The following ELF1 variants were observed in gnomAD, a reference collection of about 807,000 sequenced individuals.
ELF1 encodes the protein E74 like ETS transcription factor 1, also known as ETS-related transcription factor Elf-1.
A neutral mutation model predicts 59.9 loss-of-function variants in ELF1; 24 were observed. The ratio of observed to expected loss-of-function variants is 0.40; its 90% CI spans 0.29 to 0.56. The LOEUF is 0.56. Ranked by LOEUF, ELF1 falls within the 20% of genes least tolerant of loss-of-function variation. ELF1 has a pLI of 0.44. For synonymous variants in ELF1, 248 were observed against 266.2 expected (o/e 0.93, Z 0.67); for missense variants, 627 against 742.2 (o/e 0.84, Z 1.80).
chr13:41,060,210 G>A lies in ELF1; in HGVS notation c.-229+628C>T, dbSNP rs138989978. 9.8e-3 allele frequency among the ~76,000 whole-genome samples: 1,488 copies of A among 152,304 alleles called. 24 individuals are homozygous for A. The highest frequency in any genetic ancestry group is 0.034 in the African/African-American group (1,429 of 41,570). ...AAAGCGCGTCCCCCCGGGAGGGCGC[G>A]GAAGGCACACTGTGTTCCGTGGGGC... On this transcript the variant is annotated intron_variant, in intron 1 of 1. Coordinates refer to the ELF1 transcript ENST00000405737.
At chr13:41,008,503 T>C (rs1874872836) in intron 1 of ELF1, among the ~76,000 whole-genome samples, 1 of 152,178 alleles carries the variant, frequency 6.6e-6, no homozygotes, top group African/African-American at 2.4e-5. Flanking sequence ...TGGTGTGATT[T>C]TGATACTATG....
At chr13:40,981,144 T>C (rs188191831) in intron 2 of ELF1, among the ~76,000 whole-genome samples, 37 of 152,294 alleles carry the variant, frequency 2.4e-4, no homozygotes, top group African/African-American at 8.4e-4. Context: ...GTGTTGAGCA[T>C]TAGGCTTATT....
intron 1 of ELF1, among the ~76,000 whole-genome samples, chr13:41,003,388 A>G (rs936081295): frequency 6.6e-6 from 1 of 151,086 alleles, no homozygotes; most frequent in Non-Finnish European, 1.5e-5. Context: ...TTTTCCTTCA[A>G]TCTTAAAAAT....
chr13:40,994,513 G>T (rs1224439915), intron 1 of ELF1, among the ~76,000 whole-genome samples: 6 of 151,984 alleles, frequency 3.9e-5, no homozygotes, highest in Admixed American at 2.6e-4. Context: ...CATGGTGGGG[G>T]GGTGCCTGTA....
At chr13:41,019,852 T>G (rs942006747), upstream of ELF1, among the ~76,000 whole-genome samples, 2 of 152,170 alleles carry the variant, frequency 1.3e-5, no homozygotes, top group African/African-American at 2.4e-5. Context: ...TAAAATCCAC[T>G]AGAAAATTCA....
intron 2 of ELF1, among the ~76,000 whole-genome samples, chr13:40,961,516 A>C (rs189535135): frequency 1.3e-5 from 2 of 152,250 alleles, no homozygotes; most frequent in Non-Finnish European, 2.9e-5. Context: ...CCCATCTGTG[A>C]ATACCTACTG....
At chr13:40,954,791 C>T (rs894337590) in intron 3 of ELF1, among the ~76,000 whole-genome samples, 2 of 149,822 alleles carry the variant, frequency 1.3e-5, no homozygotes, top group Admixed American at 1.3e-4. Flanking sequence ...GTGATCTCGG[C>T]TCGCTACAAC....
chr13:41,060,730 A>C (rs901637165), intron 1 of ELF1: 1 of 165,320 alleles, frequency 6.0e-6, no homozygotes, highest in Non-Finnish European at 1.4e-5. Flanking sequence ...AAGAAAAATA[A>C]GGAAGCGTTC....
In ELF1 at chr13:41,013,878, A is replaced by T. The variant is rs1259673163; in HGVS notation, c.-229+5350T>A. Among the ~76,000 whole-genome samples, 5 of 152,008 alleles carry T rather than the reference A, an allele frequency of 3.3e-5. No homozygotes were observed. In the South Asian group the frequency reaches 1.0e-3, roughly 31 times the overall value. On this transcript the variant is annotated intron_variant, in intron 1 of 8. Coordinates refer to ENST00000239882, the MANE Select transcript of ELF1 (RefSeq NM_172373.4). Reference sequence around the variant, plus strand: ...TACACTTCATTTTAATAGTTTTATTATAAAATTTTATAGTTTTACTATTTA... The same window carrying T: ...TACACTTCATTTTAATAGTTTTATTTTAAAATTTTATAGTTTTACTATTTA...
At chr13:40,943,741 A>C in intron 6 of ELF1, 101 bp downstream of exon 6, 1 of 882,116 alleles carries the variant, frequency 1.1e-6, no homozygotes, top group Non-Finnish European at 1.6e-6. Context: ...AATAAGATCC[A>C]CTGCAGTATA....
At chr13:41,041,850 G>A (rs1566197908) in intron 1 of ELF1, among the ~76,000 whole-genome samples, 1 of 152,054 alleles carries the variant, frequency 6.6e-6, no homozygotes, top group African/African-American at 2.4e-5. Context: ...TCAGAAGTTA[G>A]TATAGTAACA....
At chr13:40,985,560 TA>T (rs933159080) in intron 1 of ELF1, among the ~76,000 whole-genome samples, 2 of 152,194 alleles carry the variant, frequency 1.3e-5, no homozygotes, top group African/African-American at 2.4e-5. Context: ...AACGCATATG[TA>T]AAAAATTTTT....
At chr13:41,008,307 G>C (rs1229915440) in intron 1 of ELF1, among the ~76,000 whole-genome samples, 2 of 152,040 alleles carry the variant, frequency 1.3e-5, no homozygotes, top group Non-Finnish European at 2.9e-5. Context: ...TGGATATCTG[G>C]CAGAAATTTT....
At chr13:40,990,825 C>CTGG (rs565395082) in intron 1 of ELF1, among the ~76,000 whole-genome samples, 129 of 127,188 alleles carry the variant, frequency 1.0e-3, no homozygotes, top group South Asian at 3.5e-3. Flanking sequence ...GCACTCCAGC[C>CTGG]TGGTGACAGA....
chr13:41,013,780 A>G (rs1030486898), intron 1 of ELF1, among the ~76,000 whole-genome samples: 1 of 152,084 alleles, frequency 6.6e-6, no homozygotes, highest in Admixed American at 6.6e-5. Flanking sequence ...AGAAAAAATA[A>G]TGAATTGCCC....
chr13:41,006,602 G>A (rs954304581), intron 1 of ELF1, among the ~76,000 whole-genome samples: 2 of 152,122 alleles, frequency 1.3e-5, no homozygotes, highest in Admixed American at 6.5e-5. Flanking sequence ...TTATTCTTAA[G>A]ACTAACAGGT....
At chr13:40,947,000 A>G (rs1197594599) in intron 5 of ELF1, among the ~76,000 whole-genome samples, 1 of 152,044 alleles carries the variant, frequency 6.6e-6, no homozygotes, top group Admixed American at 6.6e-5. Flanking sequence ...AATTATTTTG[A>G]GAGATTCATC....
At position 41,031,693 on chromosome 13, in the gene ELF1, G is replaced by A. The variant is rs368054957; in HGVS notation, c.-229+29145C>T. 2.6e-4 allele frequency among the ~76,000 whole-genome samples: 39 copies of A among 151,656 alleles called. 2 individuals are homozygous for A. In the South Asian group the frequency reaches 5.4e-3, roughly 21 times the overall value. ...AAATTAGCCAGGGGTGTTGGTGGGC[G>A]CCTGTAATCCCATCTACTAGGGAGG... On this transcript the variant is annotated intron_variant, in intron 1 of 1. Coordinates refer to the ELF1 transcript ENST00000405737.
intron 1 of ELF1, among the ~76,000 whole-genome samples, chr13:41,044,570 G>C (rs1023441298): frequency 6.6e-6 from 1 of 152,060 alleles, no homozygotes; most frequent in Non-Finnish European, 1.5e-5. Context: ...TTTGTCTTTG[G>C]CTCTGTTTAT....
Sources: gnomAD v4.1 joint callset for allele counts (sites outside exome capture counted in the v4.1 genomes callset) on GRCh38, gnomAD v4.1.1 for gene constraint, MANE v1.5 for transcripts, NCBI Gene and HGNC (gene_info 2026-07-23, HGNC 2026-07-21) for gene names.